The following OTOGL variants were observed in gnomAD, a reference collection of about 807,000 sequenced individuals.
The protein encoded by OTOGL is otogelin-like protein.
OTOGL carries 285 observed loss-of-function variants against 318.5 expected under a neutral mutation model. The ratio of observed to expected loss-of-function variants is 0.89; its 90% CI spans 0.81 to 0.99. OTOGL has a LOEUF of 0.99. OTOGL is among the 50% of genes least tolerant of loss of function. OTOGL has a pLI of 0.00. For missense variants in OTOGL, 2,899 were observed against 2,845.6 expected (o/e 1.02, Z -0.43); for synonymous variants, 987 against 936.5 (o/e 1.05, Z -0.99).
At chr12:80,142,994 C>T (rs1872054454) in intron 1 of OTOGL, among the ~76,000 whole-genome samples, 1 of 151,928 alleles carries the variant, frequency 6.6e-6, no homozygotes, top group African/African-American at 2.4e-5. Flanking sequence ...TATGGGAAGG[C>T]ATATGTGCAA....
chr12:80,226,182 A>ACACC (rs1878828701), intron 7 of OTOGL, among the ~76,000 whole-genome samples: 1 of 103,684 alleles, frequency 9.6e-6, no homozygotes, highest in South Asian at 2.8e-4. Context: ...CTCCTAACAC[A>ACACC]CACACACACA....
chr12:80,274,534 AGTGCT>A (rs1295125889), intron 24 of OTOGL, among the ~76,000 whole-genome samples: 1 of 152,082 alleles, frequency 6.6e-6, no homozygotes, highest in Non-Finnish European at 1.5e-5. Flanking sequence ...TAAAAGTGCA[AGTGCT>A]GATGGAGAAG....
chr12:80,366,627 G>C lies in OTOGL; in HGVS notation c.6321G>C (p.Gln2107His), dbSNP rs1890558917. The C allele has an allele frequency of 2.1e-6, 3 of 1,401,814 alleles. No homozygotes were observed. The highest frequency in any genetic ancestry group is 2.2e-5 in the Admixed American group (1 of 44,836). 86.8% of individuals were successfully genotyped at this position (1,401,814 alleles called of 1,614,324 possible). A position where few individuals can be genotyped will look rare whatever the true frequency, so the allele number is the denominator to read the frequency against. Residue 2107 changes from glutamine to histidine, a missense_variant, in exon 53 of 59, where the codon CAG (glutamine) becomes CAC (histidine). Around this residue, in one of 3 missense-constraint regions of OTOGL, gnomAD observed 289 missense variants for 304.6 expected, o/e 0.95. Coordinates refer to ENST00000547103, the MANE Select transcript of OTOGL (RefSeq NM_001378609.3). Reference sequence around the variant, plus strand: ...TCCAGAGTGATTGTGGATGCATACAGTATCTCTGTGGTAACTATGTCTTTT... The same window carrying C: ...TCCAGAGTGATTGTGGATGCATACACTATCTCTGTGGTAACTATGTCTTTT... ...HNFQSDCGCI[Q>H]YLCEKDDVCV... is the part of the protein sequence containing the mutation.
intron 26 of OTOGL, among the ~76,000 whole-genome samples, chr12:80,286,932 G>T (rs1389467911): frequency 6.6e-6 from 1 of 152,124 alleles, no homozygotes; most frequent in Non-Finnish European, 1.5e-5. Flanking sequence ...GCTAGCTTTT[G>T]AATTTGTTTG....
At position 80,340,936 on chromosome 12, in the gene OTOGL, G is replaced by GTTT. The variant is rs370802593; in HGVS notation, c.5051-997_5051-995dup. Among the ~76,000 whole-genome samples, 210 of 139,056 alleles carry GTTT rather than the reference G, an allele frequency of 1.5e-3. 2 individuals are homozygous for GTTT. Among genetic ancestry groups the GTTT allele is most frequent in the Non-Finnish European group, 1.9e-3 (125 of 65,252 alleles). The allele number at this position is 139,056 out of a possible 152,430, so 91.2% of individuals were successfully genotyped here. ...CTCCTTTACAATGTAGTCCACTTAG[G>GTTT]TTTTTTTTTTTTTTTTTAATGTTTA... On this transcript the variant is annotated intron_variant, in intron 43 of 58. Transcript: ENST00000547103.
chr12:80,238,955 T>G lies in OTOGL; in HGVS notation c.922T>G (p.Ser308Ala). The change falls in exon 10 of 59, where the codon TCC becomes GCC. Residue 308 changes from serine to alanine, a missense_variant. Transcript: ENST00000547103. ...ACCCTCAGATTTTCCAAATCCGTGC[T>G]CCAGTGGAATGCCAGCATTTGAGGT... is the stretch of plus-strand genomic sequence containing the variant. ...LTPSDFPNPC[S>A]SGMPAFEAIF... 6.3e-7 allele frequency: 1 copy of G among 1,597,718 alleles called. No individual in the cohort carries two copies. The highest frequency in any genetic ancestry group is 8.5e-7 in the Non-Finnish European group (1 of 1,179,068).
At position 80,378,137 on chromosome 12, in the gene OTOGL, T is replaced by C. The variant is rs945601358; in HGVS notation, c.*89T>C. 2 of 1,014,044 alleles carry C rather than the reference T, an allele frequency of 2.0e-6. No individual in the cohort carries two copies. The highest frequency in any genetic ancestry group is 3.2e-5 in the African/African-American group (2 of 62,252). The allele number at this position is 1,014,044 out of a possible 1,614,324, so 62.8% of individuals were successfully genotyped here. A position where few individuals can be genotyped will look rare whatever the true frequency, so the allele number is the denominator to read the frequency against. Reference sequence around the variant, plus strand: ...ATTACTTAGGCATGTGGCAGATTTATGCTGTTTAACAATACTGTATTTTTC... The same window carrying C: ...ATTACTTAGGCATGTGGCAGATTTACGCTGTTTAACAATACTGTATTTTTC... On this transcript the variant is annotated 3_prime_UTR_variant, in exon 59 of 59. Transcript: ENST00000547103.
At chr12:80,172,564 A>G (rs564967638) in intron 1 of OTOGL, among the ~76,000 whole-genome samples, 2 of 151,700 alleles carry the variant, frequency 1.3e-5, no homozygotes, top group South Asian at 2.1e-4. Flanking sequence ...ATTGCCTCCT[A>G]CAATTGGCTT....
At chr12:80,310,343 C>A (rs998426121) in intron 29 of OTOGL, among the ~76,000 whole-genome samples, 8 of 152,170 alleles carry the variant, frequency 5.3e-5, no homozygotes, top group African/African-American at 1.9e-4. Context: ...TTAAGTCATG[C>A]AAATGCTGTG....
chr12:80,261,322 A>G (rs534457777), intron 18 of OTOGL, among the ~76,000 whole-genome samples: 1 of 152,236 alleles, frequency 6.6e-6, no homozygotes, highest in East Asian at 1.9e-4. Flanking sequence ...TGGTTGATGA[A>G]TGAATACATC....
At chr12:80,374,441 T>A (rs898581844) in intron 57 of OTOGL, among the ~76,000 whole-genome samples, 1 of 152,162 alleles carries the variant, frequency 6.6e-6, no homozygotes, top group African/African-American at 2.4e-5. Context: ...TTAGGGATAG[T>A]ATAATATAAC....
chr12:80,199,258 A>G (rs1368509829), intron 1 of OTOGL, among the ~76,000 whole-genome samples: 1 of 152,176 alleles, frequency 6.6e-6, no homozygotes, highest in African/African-American at 2.4e-5. Flanking sequence ...TTTCCTTCTT[A>G]AAACATTGAC....
At chr12:80,271,881 T>C in intron 24 of OTOGL, 71 bp downstream of exon 24, 1 of 1,485,440 alleles carries the variant, frequency 6.7e-7, no homozygotes, top group South Asian at 1.3e-5. Context: ...GAAAACATTC[T>C]TTATAGAAAT....
At chr12:80,125,005 C>T (rs989415872) in intron 1 of OTOGL, among the ~76,000 whole-genome samples, 1 of 152,190 alleles carries the variant, frequency 6.6e-6, no homozygotes, top group South Asian at 2.1e-4. Context: ...TTGACTTCCT[C>T]TTTTCCTAAT....
At chr12:80,125,131 T>G (rs1408434520) in intron 1 of OTOGL, among the ~76,000 whole-genome samples, 1 of 152,256 alleles carries the variant, frequency 6.6e-6, no homozygotes, top group Non-Finnish European at 1.5e-5. Flanking sequence ...TCAAAGGGAA[T>G]GCTTCCAGGT....
chr12:80,221,398 G>C (rs1878320966), intron 6 of OTOGL, among the ~76,000 whole-genome samples: 1 of 151,748 alleles, frequency 6.6e-6, no homozygotes, highest in South Asian at 2.1e-4. Context: ...CTGGGTAGCT[G>C]GGATTACAGA....
At chr12:80,250,119 T>C (rs12310545) in intron 11 of OTOGL, among the ~76,000 whole-genome samples, 6,978 of 152,080 alleles carry the variant, frequency 0.046, 545 homozygotes, top group African/African-American at 0.16. Flanking sequence ...AGAAATCACC[T>C]GTCTTCTGTG....
intron 55 of OTOGL, among the ~76,000 whole-genome samples, chr12:80,369,317 C>G (rs911500574): frequency 3.3e-5 from 5 of 152,058 alleles, no homozygotes; most frequent in Non-Finnish European, 4.4e-5. Context: ...CTTTCCCAAA[C>G]TGTCTTCATT....
In OTOGL at chr12:80,251,796, T is replaced by G. The variant is rs747909746; in HGVS notation, c.1156T>G (p.Cys386Gly). Residue 386 changes from cysteine to glycine, a missense_variant, in exon 12 of 59, where the codon TGC (cysteine) becomes GGC (glycine). Physicochemically the swap from Cys to Gly is radical, Grantham distance 159. Around this residue, in one of 3 missense-constraint regions of OTOGL, gnomAD observed 2,607 missense variants for 2,524.9 expected, o/e 1.03. Transcript: ENST00000547103. ...AGACTGGAGAGATGACTTTCCAGCA[T>G]GCAGTATGTTTTTTTATTTTCCAAG... The part of the protein sequence containing the change: ...IQDWRDDFPA[C>G]TDKCDDSFVH... The G allele has an allele frequency of 6.4e-7, 1 of 1,566,786 alleles. No individual in the cohort carries two copies. Among genetic ancestry groups the G allele is most frequent in the Admixed American group, 1.9e-5 (1 of 52,974 alleles).
Sources: allele counts gnomAD v4.1 joint callset (sites outside exome capture counted in the v4.1 genomes callset), GRCh38; gene constraint gnomAD v4.1.1; regional missense constraint gnomAD v4.1.1; transcripts MANE v1.5; gene names NCBI Gene and HGNC (gene_info 2026-07-23, HGNC 2026-07-21).